Variants in DNAH8 observed in about 807,000 individuals in gnomAD.
DNAH8 encodes the protein axonemal beta dynein heavy chain 8.
DNAH8 carries 382 observed loss-of-function variants against 562.1 expected under a neutral mutation model. The ratio of observed to expected loss-of-function variants is 0.68; its 90% confidence interval spans 0.63 to 0.74. The LOEUF (loss-of-function observed/expected upper bound fraction) is 0.74, where lower values mean the gene tolerates loss of function less well. Ranked by LOEUF, DNAH8 falls within the 30% of genes least tolerant of loss-of-function variation. DNAH8 has a pLI of 0.00. For missense variants in DNAH8, 5,203 were observed against 5,620.4 expected, an observed-to-expected ratio of 0.93 and a Z score of 2.37; for synonymous variants, 1,881 against 1,919.4, an observed-to-expected ratio of 0.98 and a Z score of 0.52.
In DNAH8 at chr6:38,717,472, C is replaced by T. The variant is rs561484007; in HGVS notation, c.-35+2057C>T. Among the ~76,000 whole-genome samples, 37 of 152,002 alleles carry T rather than the reference C, an allele frequency of 2.4e-4. No individual in the cohort carries two copies. The East Asian group carries it at 2.5e-3, about 10-fold the overall frequency. Reference sequence around the variant, plus strand: ...CGAAGTAGCTGGGACTACAGGTGCACGCCACCACGCCCGGCTAATTTTTTG... The same window carrying T: ...CGAAGTAGCTGGGACTACAGGTGCATGCCACCACGCCCGGCTAATTTTTTG... On this transcript the variant is annotated intron_variant, in intron 1 of 92. Transcript: ENST00000327475.
intron 23 of DNAH8, 26 bp from the exon 24 acceptor site, chr6:38,807,584 A>G: frequency 7.5e-7 from 1 of 1,334,774 alleles, no homozygotes; most frequent in Non-Finnish European, 1.0e-6. Context: ...GAGAGATACC[A>G]AATTTAATCT....
chr6:38,772,412 G>T (rs1162837474), intron 12 of DNAH8, among the ~76,000 whole-genome samples: 5 of 152,080 alleles, frequency 3.3e-5, no homozygotes, highest in African/African-American at 1.2e-4. Flanking sequence ...GTATGAAGTG[G>T]TATCTCATTG....
chr6:38,957,892 A>T lies in DNAH8; in HGVS notation c.12451+6372A>T, dbSNP rs374708504. 7.1e-4 allele frequency among the ~76,000 whole-genome samples: 104 copies of T among 146,660 alleles called. 2 individuals carry two copies. Among genetic ancestry groups the T allele is most frequent in the African/African-American group, 2.1e-3 (85 of 40,300 alleles). On this transcript the variant is annotated intron_variant, in intron 82 of 92. Transcript: ENST00000327475. ...AAAAAAAAAAAAAAAAAAAAACAAG[A>T]TCACAAATAACCTAATGTTGCATCT...
intron 29 of DNAH8, among the ~76,000 whole-genome samples, chr6:38,826,897 A>G (rs1463188523): frequency 6.6e-6 from 1 of 152,218 alleles, no homozygotes; most frequent in Non-Finnish European, 1.5e-5. Flanking sequence ...TATTGCTGCT[A>G]TAACAAATCA....
In DNAH8 at chr6:38,815,526, C is replaced by A. The variant is rs145492929; in HGVS notation, c.3392C>A (p.Thr1131Asn). Residue 1131 changes from threonine to asparagine, a missense_variant, in exon 26 of 93, where the codon ACC becomes AAC. Thr to Asn is a moderately conservative substitution (Grantham distance 65). This residue lies in a region of DNAH8 where 2,176 missense variants were observed against 2,365.1 expected (regional missense o/e 0.92). Transcript: ENST00000327475. ...QQAINRMIQLTLEVSRGVAHW... is the reference protein window; with the variant it reads ...QQAINRMIQLNLEVSRGVAHW... Reference sequence around the variant, plus strand: ...GCCATTAACCGTATGATCCAGTTAACCCTGGAGGTCAGCAGAGGAGTGGCT... The same window carrying A: ...GCCATTAACCGTATGATCCAGTTAAACCTGGAGGTCAGCAGAGGAGTGGCT... 30 of 1,613,982 alleles carry A rather than the reference C, an allele frequency of 1.9e-5. No homozygotes were observed. In the African/African-American group the frequency reaches 3.2e-4, roughly 17 times the overall value.
chr6:38,756,356 C>G (rs555638299), intron 10 of DNAH8, among the ~76,000 whole-genome samples: 1 of 152,048 alleles, frequency 6.6e-6, no homozygotes, highest in South Asian at 2.1e-4. Context: ...TTGATTCTAC[C>G]CAAGAGATAG....
intron 21 of DNAH8, among the ~76,000 whole-genome samples, chr6:38,793,684 T>C (rs773137298): frequency 2.0e-5 from 3 of 152,176 alleles, no homozygotes; most frequent in Non-Finnish European, 4.4e-5. Context: ...CTGCCCTCTT[T>C]TTAAAATTTA....
rs534462962 is a variant in DNAH8 at position 38,930,167 on chromosome 6, G to T, written c.11274+501G>T. Among the ~76,000 whole-genome samples the T allele has an allele frequency of 5.6e-4, 85 of 152,168 alleles. 1 individual carries two copies. Among genetic ancestry groups the T allele is most frequent in the South Asian group, 1.2e-3 (6 of 4,816 alleles). On this transcript the variant is annotated intron_variant, in intron 75 of 92. Transcript: ENST00000327475. ...ATAAAGTCATTTTAATAAACACATTGATTTGGTCATTTATCTCTTTATTTT... is the reference window on the plus strand; with the variant it reads ...ATAAAGTCATTTTAATAAACACATTTATTTGGTCATTTATCTCTTTATTTT...
At position 38,805,556 on chromosome 6, in the gene DNAH8, A is replaced by G; in HGVS notation, c.3110A>G (p.Asn1037Ser). The stretch of plus-strand genomic sequence containing the variant: ...AATGACTATGAAGCTAATATTGTGA[A>G]TGAGTTTGATACTCATGATAAAGAA... ...ENNDYEANIV[N>S]EFDTHDKEDE... The change falls in exon 23 of 93, where the codon AAT becomes AGT. Residue 1037 changes from asparagine to serine, a missense_variant. Asn to Ser is a conservative substitution (Grantham distance 46). Transcript: ENST00000327475. 1 of 1,602,286 alleles carries G rather than the reference A, an allele frequency of 6.2e-7. No individual in the cohort carries two copies. Among genetic ancestry groups the G allele is most frequent in the Non-Finnish European group, 8.5e-7 (1 of 1,169,626 alleles).
Position 38,868,073 on chromosome 6 carries a change from C to T in DNAH8, c.6705C>T (p.Asp2235=), listed in dbSNP as rs1199187878. 4 of 1,608,302 alleles carry T rather than the reference C, an allele frequency of 2.5e-6. No individual in the cohort carries two copies. In the African/African-American group the frequency reaches 4.0e-5, roughly 16 times the overall value. Residue 2235 remains aspartate, a synonymous_variant, in exon 48 of 93, where the codon GAC becomes GAT. Transcript: ENST00000327475. The part of the protein sequence containing the change: ...EEQLTKQVHY[D]FGLRNILSVL... Reference sequence around the variant, plus strand: ...TTCTCCCATCTCAGGTTCATTATGACTTTGGATTGAGAAATATTCTGTCTG... The same window carrying T: ...TTCTCCCATCTCAGGTTCATTATGATTTTGGATTGAGAAATATTCTGTCTG...
At chr6:38,887,195 T>C (rs1778992592) in intron 57 of DNAH8, among the ~76,000 whole-genome samples, 191 bp downstream of exon 57, 2 of 152,198 alleles carry the variant, frequency 1.3e-5, no homozygotes, top group African/African-American at 4.8e-5. Context: ...GACTCAGAGA[T>C]ATTTAAAAAT....
chr6:38,780,911 T>G (rs939897296), intron 15 of DNAH8, among the ~76,000 whole-genome samples: 2 of 152,204 alleles, frequency 1.3e-5, no homozygotes, highest in African/African-American at 2.4e-5. Context: ...CCGTTTAAGT[T>G]AGTATTTTTG....
At chr6:38,935,108 G>A (rs1224440931) in intron 76 of DNAH8, among the ~76,000 whole-genome samples, 1 of 152,212 alleles carries the variant, frequency 6.6e-6, no homozygotes, top group Non-Finnish European at 1.5e-5. Context: ...AATCGGCTGT[G>A]CCAAACCAGG....
chr6:38,847,109 C>T (rs769578268), intron 36 of DNAH8, among the ~76,000 whole-genome samples: 5 of 152,058 alleles, frequency 3.3e-5, no homozygotes, highest in South Asian at 2.1e-4. Context: ...ATGTCTCCTT[C>T]GGTAAGACTT....
intron 3 of DNAH8, among the ~76,000 whole-genome samples, chr6:38,727,740 GAC>G (rs2127571298): frequency 6.6e-6 from 1 of 152,194 alleles, no homozygotes; most frequent in African/African-American, 2.4e-5. Context: ...CTAGGACCTT[GAC>G]CAATGCAGAT....
chr6:38,724,326 A>G (rs1157337365), intron 3 of DNAH8, among the ~76,000 whole-genome samples: 1 of 152,192 alleles, frequency 6.6e-6, no homozygotes, highest in South Asian at 2.1e-4. Flanking sequence ...TGGAGGAAGA[A>G]GAGAAAAGTT....
intron 85 of DNAH8, among the ~76,000 whole-genome samples, chr6:38,975,247 A>C (rs1237676979): frequency 6.6e-6 from 1 of 152,230 alleles, no homozygotes; most frequent in Non-Finnish European, 1.5e-5. Flanking sequence ...TTTGTTCTGC[A>C]TCTGAATTTT....
At chr6:38,725,180 G>A (rs140774837) in intron 3 of DNAH8, among the ~76,000 whole-genome samples, 19,277 of 151,690 alleles carry the variant, frequency 0.13, 1,439 homozygotes, top group Admixed American at 0.23. Context: ...GCATGTGCCT[G>A]TAGTCCCAGC....
At chr6:38,735,719 T>C (rs917963292) in intron 5 of DNAH8, among the ~76,000 whole-genome samples, 21 of 152,196 alleles carry the variant, frequency 1.4e-4, no homozygotes, top group African/African-American at 4.8e-4. Context: ...GTATAAGTCT[T>C]TCATAACCGA....
Sources: allele counts gnomAD v4.1 joint callset (sites outside exome capture counted in the v4.1 genomes callset), GRCh38; gene constraint gnomAD v4.1.1; regional missense constraint gnomAD v4.1.1; transcripts MANE v1.5; gene names NCBI Gene and HGNC (gene_info 2026-07-23, HGNC 2026-07-21).